Variants in ZNF469 observed in about 807,000 individuals in gnomAD.
The protein encoded by ZNF469 is zinc finger protein 469.
A neutral mutation model predicts 1.0 loss-of-function variants in ZNF469; 1 was observed. The ratio of observed to expected loss-of-function variants is 1.00; its 90% CI spans 0.35 to 4.73. The LOEUF (loss-of-function observed/expected upper bound fraction) is 4.73, where lower values mean the gene tolerates loss of function less well. Among genes scored for constraint, ZNF469 ranks in the 30% most tolerant of loss-of-function variants. The probability of loss-of-function intolerance (pLI) is 0.16; values close to 1 mark genes in which losing one functional copy is unlikely to be tolerated. For synonymous variants in ZNF469, 2,703 were observed against 2,363.4 expected (o/e 1.14, Z -4.17); for missense variants, 6,100 against 5,356.3 (o/e 1.14, Z -4.33).
At chr16:88,281,880 T>C in the ZNF469 span, among the ~76,000 whole-genome samples, 2 of 152,252 alleles carry the variant, frequency 1.3e-5, no homozygotes, top group South Asian at 4.1e-4. Flanking sequence ...CACAGGTTAG[T>C]GCTGTGCCAC....
intron 1 of ZNF469, among the ~76,000 whole-genome samples, chr16:88,423,784 A>G (rs913619588): frequency 3.3e-5 from 5 of 152,200 alleles, no homozygotes; most frequent in African/African-American, 1.2e-4. Flanking sequence ...GTGCCCGGAA[A>G]GCATGGCAGC....
chr16:88,404,797 G>A (rs573077266), intron 1 of ZNF469, among the ~76,000 whole-genome samples: 8 of 152,250 alleles, frequency 5.3e-5, no homozygotes, highest in East Asian at 1.9e-4. Flanking sequence ...CAGTGCAGAC[G>A]CACAGCAGAC....
At chr16:88,150,822 G>A in the ZNF469 span, among the ~76,000 whole-genome samples, 2 of 152,220 alleles carry the variant, frequency 1.3e-5, no homozygotes, top group East Asian at 1.9e-4. Flanking sequence ...TGGCCCGGCC[G>A]TAGAAGCGCC....
chr16:88,348,841 T>A, the ZNF469 span, among the ~76,000 whole-genome samples: 1 of 152,104 alleles, frequency 6.6e-6, no homozygotes, highest in Non-Finnish European at 1.5e-5. Flanking sequence ...GGGGGAATGG[T>A]CACACAGGAC....
At position 88,431,219 on chromosome 16, in the gene ZNF469, C is replaced by G. The variant is rs539399156; in HGVS notation, c.3749C>G (p.Ala1250Gly). The G allele has an allele frequency of 1.3e-6, 2 of 1,550,290 alleles. No individual in the cohort carries two copies. Among genetic ancestry groups the G allele is most frequent in the Non-Finnish European group, 1.7e-6 (2 of 1,146,992 alleles). The change falls in exon 3 of 3, where the codon GCC becomes GGC. Residue 1250 changes from alanine to glycine, a missense_variant. By Grantham distance (60) the Ala-to-Gly change is moderately conservative. Coordinates refer to ENST00000565624, the MANE Select transcript of ZNF469 (RefSeq NM_001367624.2). The part of the protein sequence containing the change: ...EFTEALRSPP[A>G]ACAGEMGASP... ...ACAGAGGCTTTGCGTTCTCCTCCAG[C>G]CGCCTGTGCGGGAGAAATGGGAGCA...
the ZNF469 span, among the ~76,000 whole-genome samples, chr16:88,356,477 T>A: frequency 1.3e-5 from 2 of 151,886 alleles, no homozygotes; most frequent in African/African-American, 4.8e-5. Context: ...CCTGTGTGTG[T>A]GTGTACACAT....
chr16:88,422,448 ATGGATGGG>A (rs1238064544), intron 1 of ZNF469, among the ~76,000 whole-genome samples: 8 of 115,752 alleles, frequency 6.9e-5, no homozygotes, highest in Admixed American at 1.9e-4. Context: ...GGGTGGGTGG[ATGGATGGG>A]TGGATGGGTG....
chr16:88,162,521 A>G, the ZNF469 span, among the ~76,000 whole-genome samples: 1 of 152,244 alleles, frequency 6.6e-6, no homozygotes, highest in Non-Finnish European at 1.5e-5. Context: ...TTTTGCTTTA[A>G]TATACAGATC....
intron 1 of ZNF469, among the ~76,000 whole-genome samples, chr16:88,408,192 G>A (rs1000929070): frequency 1.3e-4 from 20 of 152,108 alleles, no homozygotes; most frequent in African/African-American, 4.8e-4. Flanking sequence ...TCACTCTGTT[G>A]CCCAGGCTGG....
the ZNF469 span, among the ~76,000 whole-genome samples, chr16:88,149,595 G>A: frequency 1.4e-4 from 21 of 152,264 alleles, no homozygotes; most frequent in African/African-American, 5.1e-4. Context: ...CAGTCCAAAA[G>A]TAGCAAGGGG....
chr16:88,122,206 G>A, the ZNF469 span, among the ~76,000 whole-genome samples: 1 of 148,246 alleles, frequency 6.7e-6, no homozygotes, highest in African/African-American at 2.5e-5. Context: ...ACTCAATAGG[G>A]CCACGGCAGC....
chr16:88,237,972 C>T, the ZNF469 span, among the ~76,000 whole-genome samples: 7 of 152,260 alleles, frequency 4.6e-5, no homozygotes, highest in African/African-American at 1.7e-4. Context: ...CCTAAGACTC[C>T]TCCCTGCCTT....
In ZNF469 at chr16:88,427,702, C is replaced by T. The variant is rs1387545577; in HGVS notation, c.232C>T (p.Leu78=). Residue 78 remains leucine, a synonymous_variant, in exon 3 of 3, where the codon CTG becomes TTG. Coordinates refer to ENST00000565624, the MANE Select transcript of ZNF469 (RefSeq NM_001367624.2). ...ARDGELKPPS[L]RGQAPSSTPG... is the part of the protein sequence containing the mutation. ...GGACGGGGAGCTCAAGCCCCCATCCCTGAGAGGCCAGGCCCCGAGCAGCAC... is the reference window on the plus strand; with the variant it reads ...GGACGGGGAGCTCAAGCCCCCATCCTTGAGAGGCCAGGCCCCGAGCAGCAC... The T allele has an allele frequency of 1.3e-6, 2 of 1,532,742 alleles. No individual in the cohort carries two copies. The highest frequency in any genetic ancestry group is 1.8e-6 in the Non-Finnish European group (2 of 1,141,480). The allele number at this position is 1,532,742 out of a possible 1,614,324, so 94.9% of individuals were successfully genotyped here.
At chr16:88,230,985 C>T in the ZNF469 span, among the ~76,000 whole-genome samples, 4 of 152,106 alleles carry the variant, frequency 2.6e-5, no homozygotes, top group Admixed American at 2.6e-4. Context: ...CCAGGACACA[C>T]GGCTGGAACT....
chr16:88,437,479 C>A lies in ZNF469; in HGVS notation c.10009C>A (p.Arg3337Ser). Residue 3337 changes from arginine (R) to serine (S), a missense_variant, in exon 3 of 3, where the codon CGC becomes AGC. Physicochemically the swap from Arg to Ser is moderately radical, Grantham distance 110. Transcript: ENST00000565624. ...PVHEACKDPS[R>S]DCHHCGKRFP... ...GCACGAGGCCTGCAAGGACCCCTCCCGCGACTGCCACCACTGCGGGAAGCG... is the reference window on the plus strand; with the variant it reads ...GCACGAGGCCTGCAAGGACCCCTCCAGCGACTGCCACCACTGCGGGAAGCG... 1 of 1,537,798 alleles carries A rather than the reference C, an allele frequency of 6.5e-7. No homozygotes were observed. Among genetic ancestry groups the A allele is most frequent in the South Asian group, 1.2e-5 (1 of 83,478 alleles).
At chr16:88,247,032 T>C in the ZNF469 span, among the ~76,000 whole-genome samples, 1 of 123,800 alleles carries the variant, frequency 8.1e-6, no homozygotes, top group South Asian at 2.9e-4. Flanking sequence ...AGTGAATGAG[T>C]GAATGAGTGA....
the ZNF469 span, chr16:88,194,694 A>C: frequency 6.6e-6 from 1 of 152,230 alleles, no homozygotes; most frequent in African/African-American, 2.4e-5. Flanking sequence ...TTTCCGATCC[A>C]CTGGTTTGTC....
chr16:88,280,612 A>C, the ZNF469 span, among the ~76,000 whole-genome samples: 8 of 151,808 alleles, frequency 5.3e-5, no homozygotes, highest in East Asian at 1.5e-3. Context: ...TGCCACACCA[A>C]CGCTTGGTCA....
At chr16:88,269,045 G>A in the ZNF469 span, among the ~76,000 whole-genome samples, 3 of 152,222 alleles carry the variant, frequency 2.0e-5, no homozygotes, top group Non-Finnish European at 4.4e-5. Flanking sequence ...GGGCCATGCA[G>A]GGCCTGGGTG....
Sources: allele counts gnomAD v4.1 joint callset (sites outside exome capture counted in the v4.1 genomes callset), GRCh38; gene constraint gnomAD v4.1.1; transcripts MANE v1.5; gene names NCBI Gene and HGNC (gene_info 2026-07-23, HGNC 2026-07-21).